Variants in SRPRB observed in about 807,000 individuals in gnomAD.
SRPRB encodes SRP receptor subunit beta, also known as signal recognition particle receptor subunit beta.
Under a neutral mutation model 31.9 loss-of-function variants are expected in SRPRB, and 20 were observed. The observed-to-expected ratio is 0.63, with a 90% CI of 0.44 to 0.91. The LOEUF (loss-of-function observed/expected upper bound fraction) is 0.91, where lower values mean the gene tolerates loss of function less well. Among genes scored for constraint, SRPRB ranks in the 40% least tolerant of loss-of-function variants. The pLI is 0.00. For synonymous variants in SRPRB, 146 were observed against 132.8 expected, an observed-to-expected ratio of 1.10 and a Z score of -0.68; for missense variants, 321 against 324.9, an observed-to-expected ratio of 0.99 and a Z score of 0.09.
At chr3:133,808,036 G>C (rs1935194577) in intron 3 of SRPRB, among the ~76,000 whole-genome samples, 1 of 152,180 alleles carries the variant, frequency 6.6e-6, no homozygotes, top group Admixed American at 6.5e-5. Flanking sequence ...TTAATGTACA[G>C]TAATGTTATA....
Position 133,806,007 on chromosome 3 carries a change from A to G in SRPRB, c.154+5A>G, listed in dbSNP as rs1935149416. On this transcript the variant is annotated splice_donor_5th_base_variant and intron_variant, in intron 1 of 6. Coordinates refer to ENST00000678299, the MANE Select transcript of SRPRB (RefSeq NM_001379313.1). ...TTGCGGTGCTGCTGACGCTAGGTAA[A>G]AGGCGGCCGGTGGTCATGGCGGGTT... The G allele has an allele frequency of 5.0e-6, 8 of 1,611,834 alleles. No individual in the cohort carries two copies. Among genetic ancestry groups the G allele is most frequent in the Middle Eastern group, 1.7e-4 (1 of 6,048 alleles).
At chr3:133,810,012 C>T (rs1935230636) in intron 3 of SRPRB, among the ~76,000 whole-genome samples, 1 of 152,100 alleles carries the variant, frequency 6.6e-6, no homozygotes, top group South Asian at 2.1e-4. Flanking sequence ...CTTTCTCCTA[C>T]CCCCTTACGT....
downstream of SRPRB, among the ~76,000 whole-genome samples, chr3:133,823,138 C>T (rs1486835592): frequency 1.3e-5 from 2 of 152,210 alleles, no homozygotes; most frequent in Admixed American, 6.5e-5. Flanking sequence ...GGTCAGCTGC[C>T]AGCCATGCAG....
rs1233216517 is a variant in SRPRB at position 133,821,041 on chromosome 3, T to G, written c.*1275T>G. Reference sequence around the variant, plus strand: ...GAGCATGCAGCAGGGGCACCCCACCTGGCCTTGAGGATCAGGGGGAGTCAA... The same window carrying G: ...GAGCATGCAGCAGGGGCACCCCACCGGGCCTTGAGGATCAGGGGGAGTCAA... On this transcript the variant is annotated 3_prime_UTR_variant, in exon 7 of 7. Coordinates refer to ENST00000678299, the MANE Select transcript of SRPRB (RefSeq NM_001379313.1). 1 of 152,502 alleles carries G rather than the reference T, an allele frequency of 6.6e-6. No homozygotes were observed. Among genetic ancestry groups the G allele is most frequent in the African/African-American group, 2.4e-5 (1 of 41,450 alleles). 9.4% of individuals were successfully genotyped at this position (152,502 alleles called of 1,614,324 possible).
chr3:133,804,480 C>T (rs1239190954), upstream of SRPRB, among the ~76,000 whole-genome samples: 2 of 152,114 alleles, frequency 1.3e-5, no homozygotes, highest in African/African-American at 4.8e-5. Flanking sequence ...AGTCAGATTC[C>T]ATAATTGTTT....
In SRPRB at chr3:133,819,727, C is replaced by T; in HGVS notation, c.777C>T (p.Asp259=). Residue 259 remains aspartate, a synonymous_variant, in exon 7 of 7, where the codon GAC becomes GAT. Coordinates refer to ENST00000678299, the MANE Select transcript of SRPRB (RefSeq NM_001379313.1). ...KGGRGDVGSA[D]IQDLEKWLAK... ...GAAGAGGGGACGTGGGCTCTGCTGA[C>T]ATCCAGGACTTGGAGAAATGGCTGG... 1.9e-6 allele frequency: 3 copies of T among 1,614,128 alleles called. No homozygotes were observed. The highest frequency in any genetic ancestry group is 2.2e-5 in the East Asian group (1 of 44,886).
chr3:133,816,978 T>TA (rs1254609784), intron 6 of SRPRB, 46 bp downstream of exon 6: 2 of 1,486,710 alleles, frequency 1.3e-6, no homozygotes, highest in South Asian at 1.2e-5. Flanking sequence ...TCTTAACACT[T>TA]AGACTGTAAG....
intron 1 of SRPRB, among the ~76,000 whole-genome samples, chr3:133,798,536 G>A (rs1349161119): frequency 6.6e-6 from 1 of 152,184 alleles, no homozygotes; most frequent in East Asian, 1.9e-4. Context: ...TTATCTCAAG[G>A]TATGATGCCA....
chr3:133,817,700 A>G (rs369990337), intron 6 of SRPRB, among the ~76,000 whole-genome samples: 2 of 152,128 alleles, frequency 1.3e-5, no homozygotes, highest in African/African-American at 4.8e-5. Flanking sequence ...ATGAGGAAAA[A>G]CTGTATAAAT....
downstream of SRPRB, chr3:133,824,379 C>G (rs1228710714): frequency 6.6e-6 from 1 of 152,226 alleles, no homozygotes; most frequent in Admixed American, 6.5e-5. Flanking sequence ...GTGCTCCTCA[C>G]AGCCAATCAC....
At chr3:133,809,236 G>A (rs533907847) in intron 3 of SRPRB, among the ~76,000 whole-genome samples, 10 of 151,984 alleles carry the variant, frequency 6.6e-5, no homozygotes, top group African/African-American at 1.7e-4. Context: ...CAAGTGATCC[G>A]CCCACCTCAG....
At position 133,806,728 on chromosome 3, in the gene SRPRB, G is replaced by C. The variant is rs756737135; in HGVS notation, c.249+25G>C. 8 of 1,573,774 alleles carry C rather than the reference G, an allele frequency of 5.1e-6. No homozygotes were observed. In the South Asian group the frequency reaches 8.9e-5, roughly 17 times the overall value. On this transcript the variant is annotated intron_variant, in intron 2 of 6. Transcript: ENST00000678299. ...GGTAAATGATTTCATTGACACCCCT[G>C]TTAAGCTTAATAGAAAATTTTATAG...
upstream of SRPRB, among the ~76,000 whole-genome samples, chr3:133,805,115 C>G (rs944833530): frequency 2.6e-5 from 4 of 152,212 alleles, no homozygotes; most frequent in African/African-American, 9.7e-5. Flanking sequence ...GCCCTACTTT[C>G]AGCAGAAATA....
chr3:133,812,091 A>AGAC (rs1164890838), intron 4 of SRPRB, among the ~76,000 whole-genome samples: 2 of 152,236 alleles, frequency 1.3e-5, no homozygotes, highest in African/African-American at 4.8e-5. Context: ...ACTGATTTGA[A>AGAC]GACACATTTT....
At position 133,819,490 on chromosome 3, in the gene SRPRB, CTA is replaced by C. The variant is rs59614481; in HGVS notation, c.603-62_603-61del. 14,664 of 1,474,870 alleles carry C rather than the reference CTA, an allele frequency of 9.9e-3. 1,136 individuals carry two copies. In the African/African-American group the frequency reaches 0.18, roughly 18 times the overall value. 91.4% of individuals were successfully genotyped at this position (1,474,870 alleles called of 1,614,324 possible). On this transcript the variant is annotated intron_variant, in intron 6 of 6. Coordinates refer to ENST00000678299, the MANE Select transcript of SRPRB (RefSeq NM_001379313.1). Reference sequence around the variant, plus strand: ...AAATGAGTGCTGAAATGTTTAGAAACTAATATGATTTAATTGCTGTATAAAAA... The same window carrying C: ...AAATGAGTGCTGAAATGTTTAGAAACATATGATTTAATTGCTGTATAAAAA...
intron 1 of SRPRB, chr3:133,788,455 TAAA>T (rs2107949226): frequency 6.6e-6 from 1 of 152,378 alleles, no homozygotes; most frequent in East Asian, 1.9e-4. Flanking sequence ...TTTCATTTCA[TAAA>T]TCTCTGCTTT....
At chr3:133,810,421 T>C (rs1057273359) in intron 3 of SRPRB, 1 of 152,222 alleles carries the variant, frequency 6.6e-6, no homozygotes, top group Non-Finnish European at 1.5e-5. Flanking sequence ...ATATAAACTT[T>C]ATTCACCATT....
At chr3:133,818,981 CA>C (rs1223106206) in intron 6 of SRPRB, among the ~76,000 whole-genome samples, 4 of 152,064 alleles carry the variant, frequency 2.6e-5, no homozygotes, top group Non-Finnish European at 5.9e-5. Flanking sequence ...GGGAGGCCGA[CA>C]AATGAGTGTT....
At chr3:133,826,913 G>C (rs1360922223), downstream of SRPRB, 2 of 152,686 alleles carry the variant, frequency 1.3e-5, no homozygotes, top group Non-Finnish European at 2.9e-5. Flanking sequence ...TTTGTGGAAG[G>C]TGTATACACA....
Sources: gnomAD v4.1 joint callset for allele counts (sites outside exome capture counted in the v4.1 genomes callset) on GRCh38, gnomAD v4.1.1 for gene constraint, MANE v1.5 for transcripts, NCBI Gene and HGNC (gene_info 2026-07-23, HGNC 2026-07-21) for gene names.